ACCS: variants seen among roughly 807,000 people sequenced by gnomAD.
ACCS encodes the protein 1-aminocyclopropane-1-carboxylate synthase-like protein 1.
Under a neutral mutation model 59.8 loss-of-function variants are expected in ACCS, and 42 were observed. The observed-to-expected ratio is 0.70, with a 90% CI of 0.55 to 0.91. The LOEUF (loss-of-function observed/expected upper bound fraction) is 0.91. ACCS is among the 40% of genes least tolerant of loss of function. The pLI is 0.00. For missense variants in ACCS, 602 were observed against 630.4 expected, an observed-to-expected ratio of 0.95 and a Z score of 0.48; for synonymous variants, 230 against 240.3, an observed-to-expected ratio of 0.96 and a Z score of 0.40.
At chr11:44,075,943 T>C in intron 6 of ACCS, 1 of 212,204 alleles carries the variant, frequency 4.7e-6, no homozygotes, top group Non-Finnish European at 9.5e-6. Flanking sequence ...ATGGGGATGC[T>C]GTTTCCCAGA....
At chr11:44,074,768 CTTTCTTTT>C (rs1247630339) in intron 5 of ACCS, 87 bp downstream of exon 5, 11 of 367,588 alleles carry the variant, frequency 3.0e-5, no homozygotes, top group African/African-American at 1.7e-4. Flanking sequence ...TTCTTTCTTT[CTTTCTTTT>C]TCTCTCTCTC....
At chr11:44,082,679 C>T (rs529206066) in intron 12 of ACCS, among the ~76,000 whole-genome samples, 2 of 152,224 alleles carry the variant, frequency 1.3e-5, no homozygotes, top group African/African-American at 4.8e-5. Flanking sequence ...GTTCAGCATC[C>T]TGACTATGGT....
chr11:44,078,608 G>T, intron 8 of ACCS, 76 bp from the exon 9 acceptor site: 1 of 1,326,812 alleles, frequency 7.5e-7, no homozygotes. Flanking sequence ...GCCTTCCAGC[G>T]ATCAGCCCCC....
In ACCS at chr11:44,067,893, A is replaced by C; in HGVS notation, c.266A>C (p.Tyr89Ser). The change falls in exon 2 of 15, where the codon TAT becomes TCT. Residue 89 changes from tyrosine (Y) to serine (S), a missense_variant. Tyr to Ser is a moderately radical substitution (Grantham distance 144). Coordinates refer to ENST00000263776, the MANE Select transcript of ACCS (RefSeq NM_032592.4). ...EGYRTYHMDE[Y>S]DEDKNPSGII... ...TACAGGACCTACCACATGGATGAGT[A>C]TGATGAGGACAAGAACCCCAGTGTG... The C allele has an allele frequency of 6.2e-7, 1 of 1,609,776 alleles. No individual in the cohort carries two copies. Among genetic ancestry groups the C allele is most frequent in the Non-Finnish European group, 8.5e-7 (1 of 1,177,936 alleles).
At chr11:44,077,527 GGGTTCCCCAGT>G in intron 7 of ACCS, 151 bp downstream of exon 7, 1 of 1,459,028 alleles carries the variant, frequency 6.9e-7, no homozygotes, top group East Asian at 2.5e-5. Flanking sequence ...GCCTGTGCCT[GGGTTCCCCAGT>G]GGCTCCAAAG....
rs527271596 is a variant in ACCS at position 44,074,562 on chromosome 11, C to T, written c.420-50C>T. ...TCACCAGAGGAGCTTCAGGATGCAC[C>T]GTGGGTTGGGGACCATCTGGCAAGC... On this transcript the variant is annotated intron_variant, in intron 4 of 14. Coordinates refer to ENST00000263776, the MANE Select transcript of ACCS (RefSeq NM_032592.4). 3.9e-5 allele frequency: 56 copies of T among 1,438,742 alleles called. 1 individual carries two copies. The highest frequency in any genetic ancestry group is 1.6e-4 in the East Asian group (7 of 43,810). 89.1% of individuals were successfully genotyped at this position (1,438,742 alleles called of 1,614,324 possible).
In ACCS at chr11:44,083,307, G is replaced by A; in HGVS notation, c.1250G>A (p.Arg417Lys). The change falls in exon 13 of 15, where the codon AGA (arginine) becomes AAA (lysine). Residue 417 changes from arginine (R) to lysine (K), a missense_variant. Arg to Lys is a conservative substitution (Grantham distance 26, BLOSUM62 2). Coordinates refer to ENST00000263776, the MANE Select transcript of ACCS (RefSeq NM_032592.4). ...GAGFFIWVDLRKYLPKGTFEE... is the reference protein window; with the variant it reads ...GAGFFIWVDLKKYLPKGTFEE... Reference sequence around the variant, plus strand: ...GGCTTCTTCATCTGGGTTGACTTGAGAAAGGTAATGCTGGTGGAGGTGCGG... The same window carrying A: ...GGCTTCTTCATCTGGGTTGACTTGAAAAAGGTAATGCTGGTGGAGGTGCGG... 6.2e-7 allele frequency: 1 copy of A among 1,614,134 alleles called. No homozygotes were observed. Among genetic ancestry groups the A allele is most frequent in the Non-Finnish European group, 8.5e-7 (1 of 1,179,998 alleles).
At chr11:44,079,286 G>A (rs191901200) in intron 9 of ACCS, 28 of 493,978 alleles carry the variant, frequency 5.7e-5, no homozygotes, top group African/African-American at 4.8e-4. Context: ...GCCCCTCCAT[G>A]GAGGTGCCCG....
intron 2 of ACCS, among the ~76,000 whole-genome samples, chr11:44,070,977 A>G (rs1953022230): frequency 6.6e-6 from 1 of 152,182 alleles, no homozygotes; most frequent in Admixed American, 6.5e-5. Context: ...AAGGGGACAG[A>G]TCAAGAGCTA....
At chr11:44,081,909 A>G (rs1286261547) in intron 12 of ACCS, among the ~76,000 whole-genome samples, 13 of 152,218 alleles carry the variant, frequency 8.5e-5, no homozygotes, top group Admixed American at 2.0e-4. Context: ...CTGTGAATCT[A>G]TTCTGTTCCT....
intron 12 of ACCS, 150 bp from the exon 13 acceptor site, chr11:44,083,019 C>G (rs899038657): frequency 1.9e-6 from 2 of 1,055,690 alleles, no homozygotes; most frequent in South Asian, 1.5e-5. Context: ...ACCTCCCCTT[C>G]GTAATCCTTC....
intron 10 of ACCS, among the ~76,000 whole-genome samples, chr11:44,079,914 C>A (rs77766721): frequency 6.6e-6 from 1 of 152,130 alleles, no homozygotes; most frequent in Non-Finnish European, 1.5e-5. Context: ...CCTCCAGAGT[C>A]GCTCCAGTTT....
In ACCS at chr11:44,081,268, C is replaced by T. The variant is rs201644884; in HGVS notation, c.1059C>T (p.His353=). The T allele has an allele frequency of 1.3e-4, 215 of 1,614,280 alleles. No individual in the cohort carries two copies. The highest frequency in any genetic ancestry group is 9.4e-4 in the East Asian group (42 of 44,888). Residue 353 remains histidine, a synonymous_variant, in exon 12 of 15, where the codon CAC becomes CAT. Coordinates refer to ENST00000263776, the MANE Select transcript of ACCS (RefSeq NM_032592.4). The part of the protein sequence containing the change: ...ATAVASLCRY[H]GLSGLVQYQM... Reference sequence around the variant, plus strand: ...CCGTGGCTTCCCTCTGCCGCTACCACGGCCTCAGTGGCTTGGTCCAGTACC... The same window carrying T: ...CCGTGGCTTCCCTCTGCCGCTACCATGGCCTCAGTGGCTTGGTCCAGTACC...
chr11:44,077,441 A>T (rs1953426381), intron 7 of ACCS, 65 bp downstream of exon 7: 1 of 1,604,854 alleles, frequency 6.2e-7, no homozygotes, highest in Admixed American at 1.7e-5. Context: ...CCTGGGTCTG[A>T]ATTTGAGGGT....
At chr11:44,071,354 C>T (rs748107746) in intron 3 of ACCS, 39 bp downstream of exon 3, 153 of 1,604,466 alleles carry the variant, frequency 9.5e-5, no homozygotes, top group Non-Finnish European at 1.0e-4. Context: ...TCACCAGCTC[C>T]GAGGAGCTGT....
In ACCS at chr11:44,071,158, G is replaced by C. The variant is rs1953030628; in HGVS notation, c.289-98G>C. Reference sequence around the variant, plus strand: ...ATGTTTGAAAGGGTGGGATTGTAGAGAGCTCCCACTTTGCTTTGCTGCCTC... The same window carrying C: ...ATGTTTGAAAGGGTGGGATTGTAGACAGCTCCCACTTTGCTTTGCTGCCTC... On this transcript the variant is annotated intron_variant, in intron 2 of 14. Transcript: ENST00000263776. 3.2e-6 allele frequency: 4 copies of C among 1,233,546 alleles called. No homozygotes were observed. The Admixed American group carries it at 6.8e-5, about 21-fold the overall frequency. 76.4% of individuals were successfully genotyped at this position (1,233,546 alleles called of 1,614,324 possible).
intron 12 of ACCS, 114 bp from the exon 13 acceptor site, chr11:44,083,055 G>A: frequency 7.3e-7 from 1 of 1,374,654 alleles, no homozygotes. Flanking sequence ...GCTAGAGGAG[G>A]GACTCAACAG....
Position 44,083,751 on chromosome 11 carries a change from C to G in ACCS, c.1465C>G (p.Arg489Gly). The G allele has an allele frequency of 6.2e-7, 1 of 1,613,930 alleles. No homozygotes were observed. The highest frequency in any genetic ancestry group is 1.3e-5 in the African/African-American group (1 of 75,038). ...CAAATCCCAAGTGGCAGAAGACCCC[C>G]GTCCCTCTCAGAGCCAGGAGCCAAG... ...AGKSQVAEDP[R>G]PSQSQEPSDQ... The change falls in exon 15 of 15, where the codon CGT (arginine) becomes GGT (glycine). Residue 489 changes from arginine (R) to glycine (G), a missense_variant. By Grantham distance (125) the Arg-to-Gly change is moderately radical (BLOSUM62 -2). Transcript: ENST00000263776.
At position 44,077,873 on chromosome 11, in the gene ACCS, A is replaced by G; in HGVS notation, c.683A>G (p.Gln228Arg). Residue 228 changes from glutamine to arginine, a missense_variant, in exon 8 of 15, where the codon CAG becomes CGG. Gln to Arg is a conservative substitution (Grantham distance 43). Coordinates refer to ENST00000263776, the MANE Select transcript of ACCS (RefSeq NM_032592.4). Reference protein sequence around the residue: ...EVTGLDTRPFQLTVEKLEMAL... With the variant: ...EVTGLDTRPFRLTVEKLEMAL... ...ACTGGGCTAGACACACGCCCCTTCC[A>G]GCTCACAGTGGAGAAGCTGGAGATG... The G allele has an allele frequency of 1.2e-6, 2 of 1,614,052 alleles. No homozygotes were observed. The highest frequency in any genetic ancestry group is 1.7e-6 in the Non-Finnish European group (2 of 1,179,964).
Sources: allele counts gnomAD v4.1 joint callset (sites outside exome capture counted in the v4.1 genomes callset), GRCh38; gene constraint gnomAD v4.1.1; transcripts MANE v1.5; gene names NCBI Gene and HGNC (gene_info 2026-07-23, HGNC 2026-07-21).